NPAS3: variants seen among roughly 807,000 people sequenced by gnomAD.
NPAS3 encodes neuronal PAS domain-containing protein 3.
A neutral mutation model predicts 73.1 loss-of-function variants in NPAS3; 14 were observed. The observed-to-expected ratio is 0.19, with a 90% confidence interval of 0.13 to 0.30. NPAS3 has a LOEUF of 0.30. NPAS3 is among the 10% of genes least tolerant of loss of function. The probability of loss-of-function intolerance (pLI) is 1.00; values close to 1 mark genes in which losing one functional copy is unlikely to be tolerated. For missense variants in NPAS3, 1,096 were observed against 1,250.0 expected, an observed-to-expected ratio of 0.88 and a Z score of 1.86; for synonymous variants, 620 against 541.5, an observed-to-expected ratio of 1.14 and a Z score of -2.01.
intron 5 of NPAS3, among the ~76,000 whole-genome samples, chr14:33,578,948 C>T (rs574383429): frequency 8.5e-5 from 13 of 152,312 alleles, no homozygotes; most frequent in African/African-American, 2.6e-4. Flanking sequence ...AATGAACTTA[C>T]ATTTATTGAG....
chr14:33,683,938 T>C (rs1361714128), intron 6 of NPAS3, among the ~76,000 whole-genome samples: 3 of 152,134 alleles, frequency 2.0e-5, no homozygotes, highest in Non-Finnish European at 4.4e-5. Flanking sequence ...TCACACCACA[T>C]CCCTCTGAGG....
At chr14:33,245,591 G>A (rs2048347742) in intron 3 of NPAS3, among the ~76,000 whole-genome samples, 1 of 152,136 alleles carries the variant, frequency 6.6e-6, no homozygotes, top group African/African-American at 2.4e-5. Flanking sequence ...TATACCAGGA[G>A]TAAATTACCA....
At chr14:33,475,969 G>A (rs548278149) in intron 4 of NPAS3, among the ~76,000 whole-genome samples, 14 of 152,266 alleles carry the variant, frequency 9.2e-5, no homozygotes, top group Admixed American at 3.3e-4. Context: ...CTCACTTCCC[G>A]TTTGATGAGA....
intron 2 of NPAS3, among the ~76,000 whole-genome samples, chr14:33,171,265 A>T (rs893180883): frequency 6.6e-6 from 1 of 152,180 alleles, no homozygotes; most frequent in Non-Finnish European, 1.5e-5. Flanking sequence ...CCATGGTGTA[A>T]ACATTGTACC....
chr14:33,404,174 G>A (rs1273745130), intron 4 of NPAS3, among the ~76,000 whole-genome samples: 7 of 152,070 alleles, frequency 4.6e-5, no homozygotes, highest in African/African-American at 1.7e-4. Flanking sequence ...AGTAGCATAT[G>A]GTATTTCATA....
At chr14:33,089,561 T>C (rs1443167047) in intron 2 of NPAS3, among the ~76,000 whole-genome samples, 1 of 152,158 alleles carries the variant, frequency 6.6e-6, no homozygotes, top group African/African-American at 2.4e-5. Flanking sequence ...TGGAACCAAG[T>C]TGGAAAACAC....
At chr14:33,439,567 A>T (rs1212389287) in intron 4 of NPAS3, among the ~76,000 whole-genome samples, 1 of 152,254 alleles carries the variant, frequency 6.6e-6, no homozygotes, top group African/African-American at 2.4e-5. Flanking sequence ...TGAGTACTGA[A>T]AAATAAGAAT....
At chr14:33,023,547 G>A (rs913943447) in intron 1 of NPAS3, among the ~76,000 whole-genome samples, 16 of 152,118 alleles carry the variant, frequency 1.1e-4, no homozygotes, top group African/African-American at 2.9e-4. Context: ...TTCTAAAAAT[G>A]CATTATAAAG....
At position 33,331,206 on chromosome 14, in the gene NPAS3, G is replaced by A. The variant is rs144451706; in HGVS notation, c.386-35980G>A. On this transcript the variant is annotated intron_variant, in intron 3 of 11. Coordinates refer to ENST00000356141, the Ensembl canonical transcript of NPAS3. ...CATTTTTAAGGCTATAAAGTTGTTC[G>A]TAATTTATGCATGTGAATATAATAC... Among the ~76,000 whole-genome samples the A allele has an allele frequency of 6.8e-3, 1,040 of 152,220 alleles. 11 individuals are homozygous for A. The highest frequency in any genetic ancestry group is 0.024 in the African/African-American group (996 of 41,532).
intron 6 of NPAS3, among the ~76,000 whole-genome samples, chr14:33,723,606 T>A (rs920749589): frequency 3.3e-5 from 5 of 151,314 alleles, no homozygotes; most frequent in Admixed American, 3.3e-4. Flanking sequence ...CAGTTCGGAG[T>A]CCTATGTCCC....
chr14:33,534,456 A>G (rs2054175032), intron 4 of NPAS3, among the ~76,000 whole-genome samples: 1 of 152,146 alleles, frequency 6.6e-6, no homozygotes, highest in Admixed American at 6.5e-5. Flanking sequence ...TAGGAGCTGG[A>G]TACTATAGAA....
chr14:33,169,525 GCCACTGTACTC>G (rs1375155610), intron 2 of NPAS3, among the ~76,000 whole-genome samples: 2 of 152,186 alleles, frequency 1.3e-5, no homozygotes. Context: ...CCGAGATCAT[GCCACTGTACTC>G]CAGCCTGGGT....
At chr14:33,609,539 CA>C (rs34088851) in intron 5 of NPAS3, among the ~76,000 whole-genome samples, 12 of 143,860 alleles carry the variant, frequency 8.3e-5, no homozygotes, top group East Asian at 2.0e-4. Context: ...GTTCCCCACT[CA>C]AAAAAAAAAG....
intron 5 of NPAS3, among the ~76,000 whole-genome samples, chr14:33,601,388 C>T (rs1443432568): frequency 3.3e-5 from 5 of 152,204 alleles, no homozygotes; most frequent in South Asian, 4.1e-4. Context: ...ATTCACTGTT[C>T]GTTTTCATGG....
At chr14:33,533,056 A>G (rs1291415606) in intron 4 of NPAS3, among the ~76,000 whole-genome samples, 1 of 152,110 alleles carries the variant, frequency 6.6e-6, no homozygotes, top group Non-Finnish European at 1.5e-5. Flanking sequence ...TAATAAACAT[A>G]ACTGTAAACA....
chr14:33,637,400 A>G (rs1461255141), intron 5 of NPAS3, among the ~76,000 whole-genome samples: 1 of 152,202 alleles, frequency 6.6e-6, no homozygotes, highest in Non-Finnish European at 1.5e-5. Context: ...TTGACCTATC[A>G]CATCATTAGA....
At chr14:33,373,083 T>C (rs2046161069) in intron 4 of NPAS3, among the ~76,000 whole-genome samples, 1 of 152,202 alleles carries the variant, frequency 6.6e-6, no homozygotes, top group Non-Finnish European at 1.5e-5. Flanking sequence ...TGGTAGCAAA[T>C]ACTGTCTTCA....
chr14:33,175,786 C>A (rs1274176302), intron 2 of NPAS3, among the ~76,000 whole-genome samples: 1 of 151,356 alleles, frequency 6.6e-6, no homozygotes, highest in Non-Finnish European at 1.5e-5. Context: ...AAATCATTAG[C>A]AACAAACCAT....
intron 1 of NPAS3, among the ~76,000 whole-genome samples, chr14:33,002,171 ATGTT>A (rs2038831625): frequency 1.3e-5 from 2 of 152,326 alleles, no homozygotes; most frequent in East Asian, 3.9e-4. Flanking sequence ...TGCTATAAAA[ATGTT>A]TGTGTGCATG....
Sources: gnomAD v4.1 joint callset for allele counts (sites outside exome capture counted in the v4.1 genomes callset) on GRCh38, gnomAD v4.1.1 for gene constraint, MANE v1.5 for transcripts, NCBI Gene and HGNC (gene_info 2026-07-23, HGNC 2026-07-21) for gene names.